CNTN5: variants seen among roughly 807,000 people sequenced by gnomAD.
The protein encoded by CNTN5 is contactin-5.
In CNTN5, 77 loss-of-function variants were observed where a neutral mutation model predicts 129.1. That is an observed-to-expected ratio of 0.60 (90% confidence interval 0.50 to 0.72). The LOEUF (loss-of-function observed/expected upper bound fraction) is 0.72, where lower values mean the gene tolerates loss of function less well. Ranked by LOEUF, CNTN5 falls within the 30% of genes least tolerant of loss-of-function variation. CNTN5 has a pLI of 0.00. For synonymous variants in CNTN5, 509 were observed against 465.6 expected, an observed-to-expected ratio of 1.09 and a Z score of -1.20; for missense variants, 1,478 against 1,328.8, an observed-to-expected ratio of 1.11 and a Z score of -1.75.
intron 3 of CNTN5, among the ~76,000 whole-genome samples, chr11:99,575,657 C>T (rs73539131): frequency 0.049 from 7,393 of 152,146 alleles, 423 homozygotes; most frequent in East Asian, 0.28. Flanking sequence ...TGGTAGAGTA[C>T]ATACTGAATC....
At chr11:99,471,149 T>TAAA (rs35399858) in intron 2 of CNTN5, among the ~76,000 whole-genome samples, 1,791 of 148,430 alleles carry the variant, frequency 0.012, 37 homozygotes, top group African/African-American at 0.042. Context: ...GTAATGTTGC[T>TAAA]AAAAAAAAAA....
chr11:99,158,262 C>CA (rs1457504046), intron 1 of CNTN5, among the ~76,000 whole-genome samples: 1 of 152,014 alleles, frequency 6.6e-6, no homozygotes, highest in African/African-American at 2.4e-5. Context: ...CTCTGACTTC[C>CA]AAAATGATCT....
chr11:99,348,748 A>G (rs534456972), intron 2 of CNTN5, among the ~76,000 whole-genome samples: 57 of 152,314 alleles, frequency 3.7e-4, no homozygotes, highest in African/African-American at 1.3e-3. Flanking sequence ...CACATATATT[A>G]TAATACATGT....
At chr11:99,919,623 C>G (rs1028681393) in intron 7 of CNTN5, among the ~76,000 whole-genome samples, 23 of 152,124 alleles carry the variant, frequency 1.5e-4, no homozygotes, top group African/African-American at 5.3e-4. Context: ...CCATAAAATT[C>G]ACGCATTTTA....
intron 2 of CNTN5, among the ~76,000 whole-genome samples, chr11:99,418,952 C>G (rs1037311897): frequency 7.9e-5 from 12 of 152,092 alleles, no homozygotes; most frequent in African/African-American, 2.7e-4. Context: ...ATATGCTTTG[C>G]CACTTAGCTA....
rs139615695 is a variant in CNTN5 at position 99,971,699 on chromosome 11, C to T, written c.877+14690C>T. ...CCCATGAGAAAACATTATTCTCCCA[C>T]AGATTGAAATTATATAAATCGAAAT... On this transcript the variant is annotated intron_variant, in intron 8 of 24. Transcript: ENST00000524871. 2.4e-3 allele frequency among the ~76,000 whole-genome samples: 366 copies of T among 152,034 alleles called. 5 individuals are homozygous for T. Among genetic ancestry groups the T allele is most frequent in the African/African-American group, 8.5e-3 (351 of 41,366 alleles).
intron 2 of CNTN5, among the ~76,000 whole-genome samples, chr11:99,465,874 C>CG (rs1554995294): frequency 1.9e-5 from 2 of 106,420 alleles, no homozygotes; most frequent in African/African-American, 7.4e-5. Context: ...TGCCACACAC[C>CG]TTTTTTTTTT....
At chr11:100,060,752 G>A (rs1278472028) in intron 9 of CNTN5, among the ~76,000 whole-genome samples, 2 of 150,478 alleles carry the variant, frequency 1.3e-5, no homozygotes, top group Non-Finnish European at 2.9e-5. Flanking sequence ...CGATTCTCCT[G>A]CCTCAGCCTC....
chr11:99,573,443 GC>G (rs1949241240), intron 3 of CNTN5, among the ~76,000 whole-genome samples: 1 of 151,760 alleles, frequency 6.6e-6, no homozygotes, highest in Admixed American at 6.6e-5. Flanking sequence ...GGTGGCAGGC[GC>G]CTGTAGTCCC....
At chr11:100,034,279 C>T (rs780147544) in intron 9 of CNTN5, among the ~76,000 whole-genome samples, 2 of 152,304 alleles carry the variant, frequency 1.3e-5, no homozygotes, top group South Asian at 2.1e-4. Context: ...GGGTCTGGCC[C>T]ATGGTAGAAG....
At chr11:99,588,517 T>C (rs533365002) in intron 3 of CNTN5, among the ~76,000 whole-genome samples, 1 of 152,268 alleles carries the variant, frequency 6.6e-6, no homozygotes, top group East Asian at 1.9e-4. Flanking sequence ...ACTGGGACTT[T>C]GGGACAAGGT....
chr11:100,237,540 A>G (rs1414652996), intron 16 of CNTN5, among the ~76,000 whole-genome samples: 2 of 152,130 alleles, frequency 1.3e-5, no homozygotes, highest in Non-Finnish European at 2.9e-5. Context: ...TTGTCCTCCC[A>G]AACACCTGGC....
At chr11:100,306,446 CA>C (rs1225164620) in intron 20 of CNTN5, among the ~76,000 whole-genome samples, 1 of 151,556 alleles carries the variant, frequency 6.6e-6, no homozygotes, top group East Asian at 1.9e-4. Context: ...TCTTCTTTGA[CA>C]AAGATGTAAT....
intron 18 of CNTN5, among the ~76,000 whole-genome samples, chr11:100,271,524 T>C (rs979969009): frequency 6.6e-6 from 1 of 152,212 alleles, no homozygotes; most frequent in African/African-American, 2.4e-5. Context: ...AGTTCATTTA[T>C]TCTTCTAATA....
chr11:99,085,977 T>C (rs1865990764), intron 1 of CNTN5, among the ~76,000 whole-genome samples: 1 of 152,206 alleles, frequency 6.6e-6, no homozygotes, highest in Non-Finnish European at 1.5e-5. Context: ...CTGTAACAGA[T>C]TTATAGCCTA....
intron 13 of CNTN5, among the ~76,000 whole-genome samples, chr11:100,186,618 C>T (rs983050907): frequency 6.6e-6 from 1 of 152,108 alleles, no homozygotes; most frequent in Non-Finnish European, 1.5e-5. Flanking sequence ...GAGACCAGGA[C>T]ATAAGTGTGA....
intron 9 of CNTN5, among the ~76,000 whole-genome samples, chr11:100,051,663 A>C (rs1490907483): frequency 6.6e-6 from 1 of 151,882 alleles, no homozygotes; most frequent in African/African-American, 2.4e-5. Context: ...ATAAGGAAAA[A>C]GTAAAACTCA....
intron 3 of CNTN5, among the ~76,000 whole-genome samples, chr11:99,794,906 T>C (rs941309684): frequency 9.2e-5 from 14 of 152,206 alleles, no homozygotes; most frequent in African/African-American, 2.9e-4. Context: ...GTCTTTGAGA[T>C]GGCTGTCCTG....
intron 2 of CNTN5, among the ~76,000 whole-genome samples, chr11:99,388,996 T>A (rs1941084430): frequency 7.0e-6 from 1 of 143,628 alleles, no homozygotes; most frequent in Non-Finnish European, 1.5e-5. Flanking sequence ...TTTTATTTTA[T>A]TTTATTTTAT....
Sources: allele counts gnomAD v4.1 joint callset (sites outside exome capture counted in the v4.1 genomes callset), GRCh38; gene constraint gnomAD v4.1.1; transcripts MANE v1.5; gene names NCBI Gene and HGNC (gene_info 2026-07-23, HGNC 2026-07-21).